Variants in NEBL observed in about 807,000 individuals in gnomAD.
NEBL encodes the protein LIM and SH3 protein 2.
Under a neutral mutation model 140.2 loss-of-function variants are expected in NEBL, and 122 were observed. That is an observed-to-expected ratio of 0.87 (90% CI 0.75 to 1.01). NEBL has a LOEUF of 1.01. NEBL is among the 50% of genes least tolerant of loss of function. The pLI is 0.00. For synonymous variants in NEBL, 436 were observed against 398.9 expected (o/e 1.09, Z -1.11); for missense variants, 1,365 against 1,231.3 (o/e 1.11, Z -1.62).
At chr10:21,124,586 G>T (rs1474714715) in intron 2 of NEBL, among the ~76,000 whole-genome samples, 5 of 152,134 alleles carry the variant, frequency 3.3e-5, no homozygotes, top group Non-Finnish European at 7.4e-5. Flanking sequence ...AGGATTCAAA[G>T]TTTCAAAGAG....
At chr10:20,980,242 T>C (rs1202991345) in intron 3 of NEBL, among the ~76,000 whole-genome samples, 1 of 152,096 alleles carries the variant, frequency 6.6e-6, no homozygotes, top group Non-Finnish European at 1.5e-5. Flanking sequence ...CATCAGTGAA[T>C]GGGCTAAGCC....
intron 3 of NEBL, among the ~76,000 whole-genome samples, chr10:20,888,596 T>C (rs1846743973): frequency 6.6e-6 from 1 of 152,230 alleles, no homozygotes. Context: ...AGTGTTCTTT[T>C]ATTCAGGTCT....
At chr10:20,926,178 C>G (rs1833905840) in intron 4 of NEBL, among the ~76,000 whole-genome samples, 1 of 152,110 alleles carries the variant, frequency 6.6e-6, no homozygotes, top group Non-Finnish European at 1.5e-5. Flanking sequence ...ATGTTACAGG[C>G]AAAAAGAACT....
chr10:21,059,037 T>C (rs1835162939), intron 2 of NEBL, among the ~76,000 whole-genome samples: 1 of 152,376 alleles, frequency 6.6e-6, no homozygotes, highest in Admixed American at 6.5e-5. Context: ...TGAAAGATTA[T>C]AATCCATGTT....
At chr10:20,829,253 G>A (rs995915608) in intron 16 of NEBL, among the ~76,000 whole-genome samples, 6 of 152,018 alleles carry the variant, frequency 3.9e-5, no homozygotes, top group Admixed American at 2.6e-4. Context: ...ATACTATGCA[G>A]CCATAAAAAA....
chr10:21,154,845 T>C (rs866954840), intron 2 of NEBL, among the ~76,000 whole-genome samples: 1 of 152,212 alleles, frequency 6.6e-6, no homozygotes, highest in African/African-American at 2.4e-5. Context: ...TGTGGGTGTA[T>C]AGTAGGTGTA....
intron 2 of NEBL, among the ~76,000 whole-genome samples, chr10:21,034,684 T>A (rs779199071): frequency 3.3e-4 from 50 of 152,220 alleles, no homozygotes; most frequent in Non-Finnish European, 6.0e-4. Context: ...CGGAGGAAAC[T>A]GTCTAACGCA....
At chr10:21,279,756 TAAAA>T (rs11327218) in intron 1 of NEBL, among the ~76,000 whole-genome samples, 1 of 135,692 alleles carries the variant, frequency 7.4e-6, no homozygotes. Flanking sequence ...AGAATCCATA[TAAAA>T]AAAAAAAAAA....
intron 26 of NEBL, among the ~76,000 whole-genome samples, chr10:20,788,831 T>G (rs779553052): frequency 5.9e-5 from 9 of 152,298 alleles, no homozygotes; most frequent in Non-Finnish European, 1.3e-4. Context: ...TTCCCATAGA[T>G]CTCCAGGCCC....
intron 2 of NEBL, among the ~76,000 whole-genome samples, chr10:21,026,479 A>G (rs1287674636): frequency 2.0e-5 from 3 of 152,222 alleles, no homozygotes; most frequent in Non-Finnish European, 4.4e-5. Context: ...CTTTGTTTTC[A>G]TTCCTGTCTC....
intron 3 of NEBL, among the ~76,000 whole-genome samples, chr10:20,983,348 T>G (rs10508636): frequency 0.13 from 19,043 of 152,202 alleles, 1,865 homozygotes; most frequent in East Asian, 0.39. Flanking sequence ...AAGTATGTGC[T>G]AAACTTCAAC....
intron 2 of NEBL, among the ~76,000 whole-genome samples, chr10:21,020,686 T>G (rs2131772377): frequency 6.6e-6 from 1 of 152,310 alleles, no homozygotes; most frequent in African/African-American, 2.4e-5. Context: ...CCAACAGACA[T>G]CTTGTAGTCC....
intron 3 of NEBL, among the ~76,000 whole-genome samples, chr10:21,195,011 C>T (rs923796703): frequency 5.9e-5 from 9 of 152,098 alleles, no homozygotes; most frequent in African/African-American, 2.2e-4. Context: ...ATAGAGAGAA[C>T]TTGAACACGA....
At chr10:20,866,395 C>A (rs904195076) in intron 7 of NEBL, among the ~76,000 whole-genome samples, 1 of 151,870 alleles carries the variant, frequency 6.6e-6, no homozygotes, top group Non-Finnish European at 1.5e-5. Flanking sequence ...AATCTTATCA[C>A]GATAAAAAAA....
At chr10:21,044,779 A>T (rs1333988958) in intron 2 of NEBL, among the ~76,000 whole-genome samples, 3 of 152,202 alleles carry the variant, frequency 2.0e-5, no homozygotes, top group African/African-American at 7.2e-5. Context: ...CCAGCCACAG[A>T]TTCATATCAG....
chr10:20,852,164 T>A (rs148198345), intron 10 of NEBL, among the ~76,000 whole-genome samples: 119 of 152,234 alleles, frequency 7.8e-4, no homozygotes, highest in African/African-American at 2.6e-3. Context: ...ATAATTGAAA[T>A]AAGAAATTAT....
chr10:21,240,907 TACACACACACAC>T (rs61704937), intron 3 of NEBL, among the ~76,000 whole-genome samples: 37 of 137,380 alleles, frequency 2.7e-4, no homozygotes, highest in Admixed American at 8.1e-4. Flanking sequence ...CACGCACACA[TACACACACACAC>T]ACACACACAC....
chr10:21,002,546 G>A (rs537635699), intron 3 of NEBL, among the ~76,000 whole-genome samples: 4 of 152,110 alleles, frequency 2.6e-5, no homozygotes, highest in East Asian at 3.9e-4. Flanking sequence ...ACTGAGACGG[G>A]GTAATTTATA....
chr10:20,938,961 C>T (rs973931715), intron 4 of NEBL, among the ~76,000 whole-genome samples: 2 of 152,200 alleles, frequency 1.3e-5, no homozygotes. Flanking sequence ...TCTATGTCTG[C>T]TTGGTGTACC....
Sources: allele counts gnomAD v4.1 joint callset (sites outside exome capture counted in the v4.1 genomes callset), GRCh38; gene constraint gnomAD v4.1.1; transcripts MANE v1.5; gene names NCBI Gene and HGNC (gene_info 2026-07-23, HGNC 2026-07-21).